ATE1: variants seen among roughly 807,000 people sequenced by gnomAD.
The protein encoded by ATE1 is arginyl-tRNA--protein transferase 1.
A neutral mutation model predicts 70.5 loss-of-function variants in ATE1; 36 were observed. The ratio of observed to expected loss-of-function variants is 0.51; its 90% CI spans 0.39 to 0.67. The LOEUF is 0.67. Ranked by LOEUF, ATE1 falls within the 30% of genes least tolerant of loss-of-function variation. The pLI, the probability that ATE1 is intolerant of heterozygous loss-of-function variation, is 0.00. For synonymous variants in ATE1, 232 were observed against 219.3 expected (o/e 1.06, Z -0.51); for missense variants, 593 against 629.5 (o/e 0.94, Z 0.62).
chr10:121,774,291 G>A (rs938876765), intron 11 of ATE1, among the ~76,000 whole-genome samples: 2 of 152,074 alleles, frequency 1.3e-5, no homozygotes, highest in Non-Finnish European at 2.9e-5. Flanking sequence ...TTTGGTAAGC[G>A]AGTTGAAATA....
chr10:121,787,704 G>A (rs1486396370), intron 11 of ATE1, among the ~76,000 whole-genome samples: 1 of 152,108 alleles, frequency 6.6e-6, no homozygotes, highest in East Asian at 1.9e-4. Flanking sequence ...TATATTCATC[G>A]CTCACCAGGA....
At chr10:121,864,983 G>A (rs772196742) in intron 8 of ATE1, among the ~76,000 whole-genome samples, 10 of 152,004 alleles carry the variant, frequency 6.6e-5, no homozygotes, top group African/African-American at 1.2e-4. Context: ...CCCTGCTCTG[G>A]GGCTTACTAA....
chr10:121,793,722 T>C (rs1301723573), intron 10 of ATE1, among the ~76,000 whole-genome samples: 1 of 152,200 alleles, frequency 6.6e-6, no homozygotes, highest in African/African-American at 2.4e-5. Context: ...TCTTTATATA[T>C]TAAGCCCTTG....
At chr10:121,778,082 A>C (rs1945819842) in intron 11 of ATE1, among the ~76,000 whole-genome samples, 1 of 152,248 alleles carries the variant, frequency 6.6e-6, no homozygotes, top group Non-Finnish European at 1.5e-5. Flanking sequence ...TTCTAAAATT[A>C]AAGGAAACCT....
At chr10:121,806,892 A>C (rs1053880183) in intron 10 of ATE1, among the ~76,000 whole-genome samples, 5 of 152,176 alleles carry the variant, frequency 3.3e-5, no homozygotes, top group African/African-American at 9.7e-5. Flanking sequence ...AATTTAGGAG[A>C]AAAAGTCAGA....
At chr10:121,859,996 T>G (rs1356266609) in intron 8 of ATE1, among the ~76,000 whole-genome samples, 1 of 152,080 alleles carries the variant, frequency 6.6e-6, no homozygotes, top group East Asian at 1.9e-4. Flanking sequence ...AAAATGTGAG[T>G]AGGATTATTC....
intron 7 of ATE1, among the ~76,000 whole-genome samples, chr10:121,894,129 C>T (rs1950681452): frequency 7.8e-6 from 1 of 128,310 alleles, no homozygotes; most frequent in South Asian, 2.4e-4. Context: ...AAGAGCGAAA[C>T]TCCATCTCAA....
At chr10:121,765,091 C>A (rs1052324677) in intron 11 of ATE1, among the ~76,000 whole-genome samples, 4 of 152,118 alleles carry the variant, frequency 2.6e-5, no homozygotes, top group Non-Finnish European at 5.9e-5. Flanking sequence ...CACTGTGGGC[C>A]AAAGCTGGGT....
chr10:121,846,883 T>C (rs905968102), intron 8 of ATE1, among the ~76,000 whole-genome samples: 4 of 152,014 alleles, frequency 2.6e-5, no homozygotes, highest in African/African-American at 9.7e-5. Flanking sequence ...ACAGATACAA[T>C]ACAAAGAGTA....
At chr10:121,855,387 A>T (rs1381963333) in intron 8 of ATE1, among the ~76,000 whole-genome samples, 2 of 152,234 alleles carry the variant, frequency 1.3e-5, no homozygotes, top group African/African-American at 4.8e-5. Flanking sequence ...TGGATGACAG[A>T]TGACAGAGAA....
At chr10:121,905,014 C>T (rs1951135848) in intron 5 of ATE1, among the ~76,000 whole-genome samples, 1 of 152,210 alleles carries the variant, frequency 6.6e-6, no homozygotes, top group African/African-American at 2.4e-5. Context: ...TCTTGGACTA[C>T]AGACTGTGTC....
At chr10:121,911,591 C>T (rs974533606) in intron 4 of ATE1, among the ~76,000 whole-genome samples, 5 of 152,100 alleles carry the variant, frequency 3.3e-5, no homozygotes, top group Admixed American at 2.0e-4. Flanking sequence ...AGGAAACTTG[C>T]GACCCTGAAC....
intron 7 of ATE1, among the ~76,000 whole-genome samples, chr10:121,884,503 C>G (rs1950320776): frequency 6.6e-6 from 1 of 151,978 alleles, no homozygotes; most frequent in South Asian, 2.1e-4. Context: ...GCAGGAGAGA[C>G]TGCTTGAACC....
chr10:121,880,971 C>T (rs1201771475), intron 7 of ATE1, among the ~76,000 whole-genome samples: 3 of 152,186 alleles, frequency 2.0e-5, no homozygotes, highest in Non-Finnish European at 4.4e-5. Context: ...ATCACATGAG[C>T]TTTGCACTCA....
chr10:121,827,967 T>C (rs1948091937), intron 10 of ATE1, among the ~76,000 whole-genome samples: 1 of 152,226 alleles, frequency 6.6e-6, no homozygotes, highest in Non-Finnish European at 1.5e-5. Flanking sequence ...GCATCCTGTC[T>C]ATATACTATG....
At chr10:121,917,614 C>G (rs1238817280) in intron 3 of ATE1, among the ~76,000 whole-genome samples, 1 of 150,950 alleles carries the variant, frequency 6.6e-6, no homozygotes, top group East Asian at 1.9e-4. Context: ...GAGAGAAGCC[C>G]GGAAATAATG....
chr10:121,855,891 A>G (rs1371326148), intron 8 of ATE1, among the ~76,000 whole-genome samples: 1 of 151,968 alleles, frequency 6.6e-6, no homozygotes, highest in Non-Finnish European at 1.5e-5. Flanking sequence ...CCTGGCCAAC[A>G]TGGTGAAACC....
At chr10:121,796,463 C>G (rs1946662702) in intron 10 of ATE1, among the ~76,000 whole-genome samples, 1 of 152,042 alleles carries the variant, frequency 6.6e-6, no homozygotes, top group East Asian at 1.9e-4. Context: ...CAACTATTTA[C>G]AAACTGTTTT....
chr10:121,888,753 A>C (rs1950487529), intron 7 of ATE1, among the ~76,000 whole-genome samples: 2 of 152,210 alleles, frequency 1.3e-5, no homozygotes. Flanking sequence ...AACAGTAGAA[A>C]GGGATAAATT....
Sources: allele counts gnomAD v4.1 joint callset (sites outside exome capture counted in the v4.1 genomes callset), GRCh38; gene constraint gnomAD v4.1.1; transcripts MANE v1.5; gene names NCBI Gene and HGNC (gene_info 2026-07-23, HGNC 2026-07-21).